Variants in SMIM22 observed in about 807,000 individuals in gnomAD.
The protein encoded by SMIM22 is small integral membrane protein 22.
In SMIM22, 16 loss-of-function variants were observed where a neutral mutation model predicts 8.4. That is an observed-to-expected ratio of 1.90 (90% CI 1.29 to 2.89). SMIM22 has a LOEUF of 2.89. Among genes scored for constraint, SMIM22 ranks in the 30% most tolerant of loss-of-function variants. SMIM22 has a pLI of 0.00. For missense variants in SMIM22, 159 were observed against 107.5 expected (o/e 1.48, Z -2.12); for synonymous variants, 67 against 47.6 (o/e 1.41, Z -1.68).
chr16:4,795,690 T>C, intron 1 of SMIM22, 25 bp from the exon 2 acceptor site: 1 of 1,530,422 alleles, frequency 6.5e-7, no homozygotes, highest in Non-Finnish European at 8.7e-7. Flanking sequence ...AGGATCCTGA[T>C]GCAGCCTCTG....
At chr16:4,793,393 G>T (rs927839754), upstream of SMIM22, among the ~76,000 whole-genome samples, 1 of 152,184 alleles carries the variant, frequency 6.6e-6, no homozygotes, top group African/African-American at 2.4e-5. Context: ...TTGGGACATG[G>T]ATACATTAGG....
Position 4,795,783 on chromosome 16 carries a change from G to C in SMIM22, c.49G>C (p.Gly17Arg), listed in dbSNP as rs921233961. 8 of 1,535,974 alleles carry C rather than the reference G, an allele frequency of 5.2e-6. No individual in the cohort carries two copies. The East Asian group carries it at 1.2e-4, about 23-fold the overall frequency. ...GGAGGCCACGGTTCAGGAAGTCCTG[G>C]GGAGACTGAAGAGCCACCAGTTTTT... ...ELEATVQEVL[G>R]RLKSHQFFQS... The change falls in exon 2 of 4, where the codon GGG becomes CGG. Residue 17 changes from glycine (G) to arginine (R), a missense_variant. Transcript: ENST00000586005.
chr16:4,795,638 G>A (rs2082625630), intron 1 of SMIM22, 77 bp from the exon 2 acceptor site: 1 of 1,474,128 alleles, frequency 6.8e-7, no homozygotes, highest in Non-Finnish European at 9.0e-7. Context: ...GCAGTGGCTG[G>A]GCTGTGGGAA....
chr16:4,790,583 T>C (rs1053614954), upstream of SMIM22, among the ~76,000 whole-genome samples: 1 of 152,122 alleles, frequency 6.6e-6, no homozygotes, highest in African/African-American at 2.4e-5. Flanking sequence ...TGAGGTCCGG[T>C]TTGAGACCAG....
At chr16:4,793,574 A>C (rs769728160), upstream of SMIM22, among the ~76,000 whole-genome samples, 18 of 152,334 alleles carry the variant, frequency 1.2e-4, no homozygotes, top group Middle Eastern at 3.4e-3. Flanking sequence ...AGTAAAATAG[A>C]GAAAATAAGG....
chr16:4,793,087 C>G (rs906001682), upstream of SMIM22, among the ~76,000 whole-genome samples: 3 of 83,896 alleles, frequency 3.6e-5, no homozygotes, highest in Non-Finnish European at 6.4e-5. Flanking sequence ...CTAGCCTCAG[C>G]AAAAAGAGCG....
At chr16:4,793,943 A>T (rs1261433542), upstream of SMIM22, among the ~76,000 whole-genome samples, 1 of 151,446 alleles carries the variant, frequency 6.6e-6, no homozygotes, top group African/African-American at 2.4e-5. Context: ...CACCCAGCCA[A>T]TTTATTTTTT....
chr16:4,793,962 G>A (rs1164984248), upstream of SMIM22, among the ~76,000 whole-genome samples: 1 of 151,722 alleles, frequency 6.6e-6, no homozygotes, highest in African/African-American at 2.4e-5. Flanking sequence ...TTTTGAGATA[G>A]TCTTGCTCTG....
chr16:4,791,325 T>C (rs1395832093), upstream of SMIM22, among the ~76,000 whole-genome samples: 3 of 152,016 alleles, frequency 2.0e-5, no homozygotes, highest in African/African-American at 7.2e-5. Flanking sequence ...GCAGCGTGAC[T>C]ATGGTGGAAG....
upstream of SMIM22, among the ~76,000 whole-genome samples, chr16:4,793,109 C>CAAA (rs3085033): frequency 0.062 from 4,191 of 67,136 alleles, 272 homozygotes; most frequent in African/African-American, 0.17. Context: ...AACTCTGTCT[C>CAAA]AAAAAAAAAA....
At chr16:4,790,947 C>T (rs1367038764), upstream of SMIM22, among the ~76,000 whole-genome samples, 2 of 152,248 alleles carry the variant, frequency 1.3e-5, no homozygotes, top group Non-Finnish European at 2.9e-5. Context: ...CACAATTCCA[C>T]AGCCCTTGAG....
chr16:4,796,436 G>A lies in SMIM22; in HGVS notation c.*205G>A. ...CTAGCTGGGAGGGGAGCTGGTCTCAGGCCGGGCGCGGTGGCTCACACCTAT... is the reference window on the plus strand; with the variant it reads ...CTAGCTGGGAGGGGAGCTGGTCTCAAGCCGGGCGCGGTGGCTCACACCTAT... On this transcript the variant is annotated 3_prime_UTR_variant, in exon 4 of 4. Coordinates refer to ENST00000586005, the MANE Select transcript of SMIM22 (RefSeq NM_001253794.2). 1 of 629,840 alleles carries A rather than the reference G, an allele frequency of 1.6e-6. No individual in the cohort carries two copies. Among genetic ancestry groups the A allele is most frequent in the Non-Finnish European group, 2.7e-6 (1 of 366,510 alleles). The allele number at this position is 629,840 out of a possible 1,614,324, so 39.0% of individuals were successfully genotyped here.
rs199996645 is a variant in SMIM22, at chr16:4,796,175, G to A, written c.226-15G>A. 64 of 1,536,016 alleles carry A rather than the reference G, an allele frequency of 4.2e-5. No individual in the cohort carries two copies. In the East Asian group the frequency reaches 1.5e-3, roughly 36 times the overall value. On this transcript the variant is annotated splice_polypyrimidine_tract_variant and intron_variant, in intron 3 of 3. Transcript: ENST00000586005. ...ACGAGCGAACCTGCTTGGTCCCGCT[G>A]TGCTTCTCGTGCAGGAAAGACCCAA...
At position 4,795,869 on chromosome 16, in the gene SMIM22, C is replaced by T. The variant is rs1432942036; in HGVS notation, c.124+11C>T. ...TCCTCACCTTCATGGGTAAGTGTGG[C>T]TGTGGCCTCTGGGTCCTCCCAGCCC... On this transcript the variant is annotated intron_variant, in intron 2 of 3. Transcript: ENST00000586005. 1 of 1,535,326 alleles carries T rather than the reference C, an allele frequency of 6.5e-7. No individual in the cohort carries two copies. Among genetic ancestry groups the T allele is most frequent in the African/African-American group, 1.4e-5 (1 of 73,018 alleles).
upstream of SMIM22, among the ~76,000 whole-genome samples, chr16:4,791,482 G>A (rs1469478975): frequency 1.3e-5 from 2 of 152,180 alleles, no homozygotes; most frequent in South Asian, 2.1e-4. Flanking sequence ...CTGGGAGGAG[G>A]TGGATACTAT....
chr16:4,790,437 C>A (rs889534109), upstream of SMIM22, among the ~76,000 whole-genome samples: 2 of 152,186 alleles, frequency 1.3e-5, 1 homozygote, highest in Admixed American at 1.3e-4. Context: ...TACCTTCTGC[C>A]AGTTCTTCCT....
chr16:4,794,695 C>T (rs1023613452), upstream of SMIM22, among the ~76,000 whole-genome samples: 12 of 152,312 alleles, frequency 7.9e-5, no homozygotes, highest in Admixed American at 2.6e-4. Flanking sequence ...GCTGGGATTA[C>T]AGGCGTGAGC....
chr16:4,792,805 C>G (rs1237331963), upstream of SMIM22, among the ~76,000 whole-genome samples: 1 of 125,360 alleles, frequency 8.0e-6, no homozygotes, highest in African/African-American at 3.0e-5. Context: ...AAGACTCCGT[C>G]TCAAAAAAAA....
upstream of SMIM22, among the ~76,000 whole-genome samples, chr16:4,790,707 T>C (rs1178406990): frequency 6.6e-6 from 1 of 152,142 alleles, no homozygotes; most frequent in African/African-American, 2.4e-5. Context: ...GAGAATAGCT[T>C]GAACCGAGGA....
Sources: gnomAD v4.1 joint callset for allele counts (sites outside exome capture counted in the v4.1 genomes callset) on GRCh38, gnomAD v4.1.1 for gene constraint, MANE v1.5 for transcripts, NCBI Gene and HGNC (gene_info 2026-07-23, HGNC 2026-07-21) for gene names.